RORC: variants seen among roughly 807,000 people sequenced by gnomAD.
RORC encodes the protein RAR related orphan receptor C.
RORC carries 13 observed loss-of-function variants against 64.5 expected under a neutral mutation model. The ratio of observed to expected loss-of-function variants is 0.20; its 90% confidence interval spans 0.13 to 0.32. The LOEUF (loss-of-function observed/expected upper bound fraction) is 0.32. Ranked by LOEUF, RORC falls within the 10% of genes least tolerant of loss-of-function variation. The pLI, the probability that RORC is intolerant of heterozygous loss-of-function variation, is 1.00. For synonymous variants in RORC, 277 were observed against 259.3 expected (o/e 1.07, Z -0.65); for missense variants, 468 against 669.5 (o/e 0.70, Z 3.32).
chr1:151,813,297 G>T lies in RORC; in HGVS notation c.1116C>A (p.Asp372Glu). Reference sequence around the variant, plus strand: ...TGCCTTCAAAAAAGACCGTGCGGTTGTCAGCATTGTAGGCCCGGCACATCC... The same window carrying T: ...TGCCTTCAAAAAAGACCGTGCGGTTTTCAGCATTGTAGGCCCGGCACATCC... ...LVRMCRAYNA[D>E]NRTVFFEGKY... is the part of the protein sequence containing the mutation. The change falls in exon 8 of 11, where the codon GAC becomes GAA. Residue 372 changes from aspartate (D) to glutamate (E), a missense_variant. Coordinates refer to ENST00000318247, the MANE Select transcript of RORC (RefSeq NM_005060.4). The T allele has an allele frequency of 6.2e-7, 1 of 1,614,192 alleles. No homozygotes were observed. The highest frequency in any genetic ancestry group is 8.5e-7 in the Non-Finnish European group (1 of 1,180,028).
At chr1:151,825,215 C>T (rs894911584) in intron 2 of RORC, among the ~76,000 whole-genome samples, 12 of 152,142 alleles carry the variant, frequency 7.9e-5, no homozygotes, top group African/African-American at 2.7e-4. Flanking sequence ...TGCCTTGCTT[C>T]CCCGGTCAAA....
rs2101660624 is a variant in RORC, at chr1:151,816,212, A to G, written c.298+452T>C. Reference sequence around the variant, plus strand: ...CCAGGAACACCAGCCCTCCCCCACGACCACCCTCTGGTTGTTCTCAGGCCA... The same window carrying G: ...CCAGGAACACCAGCCCTCCCCCACGGCCACCCTCTGGTTGTTCTCAGGCCA... On this transcript the variant is annotated intron_variant, in intron 4 of 10. Transcript: ENST00000318247. Among the ~76,000 whole-genome samples, 3 of 152,210 alleles carry G rather than the reference A, an allele frequency of 2.0e-5. 1 individual carries two copies. The South Asian group carries it at 6.2e-4, about 32-fold the overall frequency.
At position 151,818,289 on chromosome 1, in the gene RORC, T is replaced by C. The variant is rs147944986; in HGVS notation, c.71-1009A>G. On this transcript the variant is annotated intron_variant, in intron 2 of 10. Transcript: ENST00000318247. ...GGTGTGCATATGCAAGAAAAGTATG[T>C]GTCATTTGTGAGCCTACGACATATC... Among the ~76,000 whole-genome samples the C allele has an allele frequency of 3.9e-4, 60 of 152,302 alleles. No individual in the cohort carries two copies. In the East Asian group the frequency reaches 8.5e-3, roughly 22 times the overall value.
chr1:151,815,123 G>A lies in RORC; in HGVS notation c.601C>T (p.His201Tyr). The A allele has an allele frequency of 1.9e-6, 3 of 1,614,186 alleles. No individual in the cohort carries two copies. Among genetic ancestry groups the A allele is most frequent in the Non-Finnish European group, 2.5e-6 (3 of 1,180,026 alleles). Reference protein sequence around the residue: ...AKAGLNGASCHLEYSPERGKA... With the variant: ...AKAGLNGASCYLEYSPERGKA... ...CCCCGCTCAGGGCTGTATTCAAGGT[G>A]GCATGAGGCCCCATTGAGCCCTGCC... The change falls in exon 5 of 11, where the codon CAC becomes TAC. Residue 201 changes from histidine (H) to tyrosine (Y), a missense_variant. His to Tyr is a moderately conservative substitution (Grantham distance 83). Around this residue, in one of 5 missense-constraint regions of RORC, gnomAD observed 241 missense variants for 295.5 expected, o/e 0.82. Coordinates refer to ENST00000318247, the MANE Select transcript of RORC (RefSeq NM_005060.4).
At position 151,815,166 on chromosome 1, in the gene RORC, A is replaced by G. The variant is rs199888370; in HGVS notation, c.558T>C (p.Tyr186=). 66 of 1,613,906 alleles carry G rather than the reference A, an allele frequency of 4.1e-5. No homozygotes were observed. Among genetic ancestry groups the G allele is most frequent in the Non-Finnish European group, 5.3e-5 (63 of 1,179,954 alleles). Residue 186 remains tyrosine (Y), a synonymous_variant, in exon 5 of 11, where the codon TAT becomes TAC. Coordinates refer to ENST00000318247, the MANE Select transcript of RORC (RefSeq NM_005060.4). ...GCCCTGCCTTGGCCAAGTTGTTGGA[A>G]TATGAGGGCCCAGAGCCTGAGGCTT... The part of the protein sequence containing the change: ...LLKASGSGPS[Y]SNNLAKAGLN...
chr1:151,808,521 GGT>G lies in RORC; in HGVS notation c.1396-890_1396-889del, dbSNP rs199584948. On this transcript the variant is annotated intron_variant, in intron 10 of 10. Coordinates refer to ENST00000318247, the MANE Select transcript of RORC (RefSeq NM_005060.4). ...GCAGTCAGAGAAAAGCAGGCAGCAG[GGT>G]GTGATCCCTTCATATCTCCTAGATT... Among the ~76,000 whole-genome samples, 1,005 of 152,240 alleles carry G rather than the reference GGT, an allele frequency of 6.6e-3. 13 individuals carry two copies. Among genetic ancestry groups the G allele is most frequent in the African/African-American group, 0.021 (870 of 41,508 alleles).
At chr1:151,831,625 C>T in intron 1 of RORC, 100 bp downstream of exon 1, 1 of 1,603,340 alleles carries the variant, frequency 6.2e-7, no homozygotes, top group Non-Finnish European at 8.5e-7. Flanking sequence ...CTTGTCCCTC[C>T]CTCCCCTCCT....
intron 1 of RORC, 149 bp from the exon 2 acceptor site, chr1:151,829,607 T>C (rs992334183): frequency 4.8e-5 from 30 of 629,268 alleles, no homozygotes; most frequent in Non-Finnish European, 7.1e-5. Context: ...GCAGTGCCCC[T>C]CTCTCCTCCT....
rs5777785 is a variant in RORC at position 151,810,533 on chromosome 1, A to ATT, written c.1395+790_1395+791dup. 9.3e-3 allele frequency among the ~76,000 whole-genome samples: 1,323 copies of ATT among 142,054 alleles called. 33 individuals carry two copies. Among genetic ancestry groups the ATT allele is most frequent in the African/African-American group, 0.03 (1,169 of 38,388 alleles). The allele number at this position is 142,054 out of a possible 152,430, so 93.2% of individuals were successfully genotyped here. On this transcript the variant is annotated intron_variant, in intron 10 of 10. Transcript: ENST00000318247. Reference sequence around the variant, plus strand: ...GAAGTCTCCTGATAGCTACAAGGAGATTTTTTTTTTTTTTTTGAGACAGAG... The same window carrying ATT: ...GAAGTCTCCTGATAGCTACAAGGAGATTTTTTTTTTTTTTTTTTGAGACAGAG...
rs201820724 is a variant in RORC at position 151,816,645 on chromosome 1, G to T, written c.298+19C>A. The T allele has an allele frequency of 1.9e-6, 3 of 1,594,460 alleles. No individual in the cohort carries two copies. Among genetic ancestry groups the T allele is most frequent in the Non-Finnish European group, 1.7e-6 (2 of 1,171,154 alleles). ...GGAGACACCAGGAAAACCCCAGGGG[G>T]CTGTCGACTTGGCCTCACCATCTCG... On this transcript the variant is annotated intron_variant, in intron 4 of 10. Transcript: ENST00000318247.
At chr1:151,814,760 C>A in intron 5 of RORC, 65 bp from the exon 6 acceptor site, 9 of 1,570,196 alleles carry the variant, frequency 5.7e-6, no homozygotes, top group South Asian at 1.2e-5. Context: ...CATGCAAGGG[C>A]ACTTCTCAGC....
rs1452704461 is a variant in RORC at position 151,830,702 on chromosome 1, G to A, written c.40+1023C>T. On this transcript the variant is annotated intron_variant, in intron 1 of 10. Coordinates refer to ENST00000318247, the MANE Select transcript of RORC (RefSeq NM_005060.4). The surrounding 1 kb of genome is among the most constrained non-coding windows in gnomAD (Gnocchi z 4.0). ...GGGAGATGCTCCCCACTGGCAGGCC[G>A]TGGTCACTAGGCTGTGTGGAGGCGA... Among the ~76,000 whole-genome samples, 2 of 143,086 alleles carry A rather than the reference G, an allele frequency of 1.4e-5. No individual in the cohort carries two copies. The highest frequency in any genetic ancestry group is 2.6e-5 in the African/African-American group (1 of 38,972). The allele number at this position is 143,086 out of a possible 152,430, so 93.9% of individuals were successfully genotyped here. A position where few individuals can be genotyped will look rare whatever the true frequency, so the allele number is the denominator to read the frequency against.
chr1:151,815,182 C>G lies in RORC; in HGVS notation c.542G>C (p.Gly181Ala), dbSNP rs774465877. The G allele has an allele frequency of 2.0e-5, 32 of 1,613,888 alleles. No homozygotes were observed. The Admixed American group carries it at 5.2e-4, about 26-fold the overall frequency. ...ACPPGLLKAS[G>A]SGPSYSNNLA... The stretch of plus-strand genomic sequence containing the variant: ...GTTGTTGGAATATGAGGGCCCAGAG[C>G]CTGAGGCTTTCAGGAGGCCAGGGGG... The change falls in exon 5 of 11, where the codon GGC becomes GCC. Residue 181 changes from glycine (G) to alanine (A), a missense_variant. Gly to Ala is a moderately conservative substitution (Grantham distance 60, BLOSUM62 0). Coordinates refer to ENST00000318247, the MANE Select transcript of RORC (RefSeq NM_005060.4).
intron 9 of RORC, 136 bp from the exon 10 acceptor site, chr1:151,811,570 G>C: frequency 1.9e-6 from 1 of 537,092 alleles, no homozygotes; most frequent in Admixed American, 3.1e-5. Flanking sequence ...GTGTGCCTTG[G>C]TTTGATAATG....
At chr1:151,829,519 T>C (rs931928826) in intron 1 of RORC, 61 bp from the exon 2 acceptor site, 4 of 1,400,046 alleles carry the variant, frequency 2.9e-6, no homozygotes, top group African/African-American at 3.0e-5. Context: ...GCTGAGACAC[T>C]TTCCCCACTC....
At chr1:151,809,421 A>G (rs1318026210) in intron 10 of RORC, among the ~76,000 whole-genome samples, 2 of 151,972 alleles carry the variant, frequency 1.3e-5, no homozygotes, top group African/African-American at 4.8e-5. Context: ...AACAAACAAC[A>G]ACAACAAAAA....
At chr1:151,826,203 G>A in intron 2 of RORC, 1 of 750,080 alleles carries the variant, frequency 1.3e-6, no homozygotes, top group South Asian at 5.1e-5. Context: ...GGCCAATCTG[G>A]GCCTGGGGCA....
Position 151,811,459 on chromosome 1 carries a change from T to G in RORC, c.1286-25A>C, listed in dbSNP as rs1176015965. On this transcript the variant is annotated intron_variant, in intron 9 of 10. Transcript: ENST00000318247. ...TCTGGAGGAGGGGGTGGGACCGTAA[T>G]GAGAACAAGAAAGAACATGGACATT... is the stretch of plus-strand genomic sequence containing the variant. 3 of 1,459,932 alleles carry G rather than the reference T, an allele frequency of 2.1e-6. No homozygotes were observed. The African/African-American group carries it at 4.2e-5, about 20-fold the overall frequency. The allele number at this position is 1,459,932 out of a possible 1,614,324, so 90.4% of individuals were successfully genotyped here. A position where few individuals can be genotyped will look rare whatever the true frequency, so the allele number is the denominator to read the frequency against.
Position 151,807,351 on chromosome 1 carries a change from C to G in RORC, c.*121G>C, listed in dbSNP as rs1411661149. The G allele has an allele frequency of 2.0e-6, 2 of 1,014,556 alleles. No individual in the cohort carries two copies. The highest frequency in any genetic ancestry group is 2.8e-6 in the Non-Finnish European group (2 of 703,792). The allele number at this position is 1,014,556 out of a possible 1,614,324, so 62.8% of individuals were successfully genotyped here. A position where few individuals can be genotyped will look rare whatever the true frequency, so the allele number is the denominator to read the frequency against. ...GCCAGCCGCAGCATCTGCTCACTTC[C>G]AAAGAGCTGGTGGGGACCACCCTCC... On this transcript the variant is annotated 3_prime_UTR_variant, in exon 11 of 11. Transcript: ENST00000318247. The surrounding 1 kb of genome is among the most constrained non-coding windows in gnomAD (Gnocchi z 5.0).
Sources: allele counts gnomAD v4.1 joint callset (sites outside exome capture counted in the v4.1 genomes callset), GRCh38; gene constraint gnomAD v4.1.1; regional missense constraint gnomAD v4.1.1; non-coding constraint Gnocchi (gnomAD v3.1); transcripts MANE v1.5; gene names NCBI Gene and HGNC (gene_info 2026-07-23, HGNC 2026-07-21).